TMPRSS11F: variants seen among roughly 807,000 people sequenced by gnomAD.
TMPRSS11F encodes transmembrane serine protease 11F.
TMPRSS11F carries 47 observed loss-of-function variants against 60.2 expected under a neutral mutation model. The observed-to-expected ratio is 0.78, with a 90% CI of 0.62 to 1.00. The LOEUF (loss-of-function observed/expected upper bound fraction) is 1.00. TMPRSS11F is among the 50% of genes least tolerant of loss of function. The pLI, the probability that TMPRSS11F is intolerant of heterozygous loss-of-function variation, is 0.00. For synonymous variants in TMPRSS11F, 166 were observed against 167.3 expected (o/e 0.99, Z 0.06); for missense variants, 519 against 522.9 (o/e 0.99, Z 0.07).
chr4:68,113,294 G>C (rs1224234283), intron 1 of TMPRSS11F, among the ~76,000 whole-genome samples: 1 of 152,076 alleles, frequency 6.6e-6, no homozygotes, highest in African/African-American at 2.4e-5. Flanking sequence ...TTGTGTCCTA[G>C]TGTTCTGTGG....
At chr4:68,064,623 T>C (rs1456016262) in intron 8 of TMPRSS11F, 62 bp downstream of exon 8, 3 of 1,554,772 alleles carry the variant, frequency 1.9e-6, no homozygotes, top group Non-Finnish European at 2.6e-6. Context: ...TTCTTTAAGA[T>C]AGATAGCTCG....
At chr4:68,061,417 A>C (rs1723171417) in intron 8 of TMPRSS11F, among the ~76,000 whole-genome samples, 1 of 152,218 alleles carries the variant, frequency 6.6e-6, no homozygotes, top group Non-Finnish European at 1.5e-5. Context: ...AGTTATTGGA[A>C]ACTTCGTAAG....
intron 1 of TMPRSS11F, among the ~76,000 whole-genome samples, chr4:68,123,595 A>G (rs1724662410): frequency 6.6e-6 from 1 of 152,192 alleles, no homozygotes; most frequent in South Asian, 2.1e-4. Context: ...ATCCAAAGCA[A>G]CTGAAGTTTG....
chr4:68,083,880 AG>A (rs1723756029), intron 3 of TMPRSS11F, among the ~76,000 whole-genome samples: 2 of 152,186 alleles, frequency 1.3e-5, no homozygotes, highest in Admixed American at 6.5e-5. Context: ...CCGGATAGCA[AG>A]GATACTCATT....
At chr4:68,098,260 GTGCGAC>G (rs1724111403) in intron 2 of TMPRSS11F, among the ~76,000 whole-genome samples, 1 of 152,024 alleles carries the variant, frequency 6.6e-6, no homozygotes, top group South Asian at 2.1e-4. Context: ...AGCCGGGATC[GTGCGAC>G]TGCACTCCAG....
At chr4:68,097,025 C>G (rs577700084) in intron 2 of TMPRSS11F, among the ~76,000 whole-genome samples, 23 of 152,220 alleles carry the variant, frequency 1.5e-4, no homozygotes, top group African/African-American at 5.5e-4. Flanking sequence ...TATTTTATCC[C>G]ATTCTACTTG....
intron 3 of TMPRSS11F, among the ~76,000 whole-genome samples, chr4:68,088,003 AATG>A (rs1333498855): frequency 4.0e-5 from 6 of 151,592 alleles, no homozygotes; most frequent in Non-Finnish European, 8.8e-5. Flanking sequence ...GTTTACTGAG[AATG>A]ATGATTTCCA....
At position 68,072,373 on chromosome 4, in the gene TMPRSS11F, T is replaced by C; in HGVS notation, c.464A>G (p.Lys155Arg). The change falls in exon 5 of 10, where the codon AAG (lysine) becomes AGG (arginine). Residue 155 changes from lysine to arginine, a missense_variant. Lys to Arg is a conservative substitution (Grantham distance 26, BLOSUM62 2). Transcript: ENST00000356291. ...TATGGTCAAAGACAATTGTTTGGTC[T>C]TCAAACTTTGATATAAAGCCTTTTC... ...KIEKALYQSL[K>R]TKQLSLTINK... The C allele has an allele frequency of 6.2e-7, 1 of 1,606,608 alleles. No individual in the cohort carries two copies. Among genetic ancestry groups the C allele is most frequent in the Non-Finnish European group, 8.5e-7 (1 of 1,176,024 alleles).
intron 3 of TMPRSS11F, among the ~76,000 whole-genome samples, chr4:68,074,693 A>C (rs914931548): frequency 6.6e-6 from 1 of 150,968 alleles, no homozygotes. Context: ...GCATTTCATT[A>C]CTTAGCTTTC....
chr4:68,099,487 TTAGTAAGA>T (rs1163923525), intron 1 of TMPRSS11F, among the ~76,000 whole-genome samples: 3 of 152,194 alleles, frequency 2.0e-5, no homozygotes, highest in Non-Finnish European at 4.4e-5. Flanking sequence ...TGAATTGTAC[TTAGTAAGA>T]TTCCACCACT....
At chr4:68,089,220 A>AT (rs1193851458) in intron 3 of TMPRSS11F, among the ~76,000 whole-genome samples, 1 of 152,068 alleles carries the variant, frequency 6.6e-6, no homozygotes, top group African/African-American at 2.4e-5. Context: ...AGAATACAGG[A>AT]TTTTTTCAGT....
At chr4:68,095,134 A>G (rs2109868492) in intron 2 of TMPRSS11F, among the ~76,000 whole-genome samples, 1 of 151,506 alleles carries the variant, frequency 6.6e-6, no homozygotes, top group East Asian at 1.9e-4. Flanking sequence ...AGCATTTTAT[A>G]TATATATATA....
chr4:68,084,474 C>A (rs1443622624), intron 3 of TMPRSS11F, among the ~76,000 whole-genome samples: 2 of 152,144 alleles, frequency 1.3e-5, no homozygotes, highest in South Asian at 2.1e-4. Context: ...TCAGCAGAAA[C>A]CTTATAAGCC....
chr4:68,068,841 A>G (rs377024286), intron 6 of TMPRSS11F, 22 bp from the exon 7 acceptor site: 15 of 1,610,776 alleles, frequency 9.3e-6, no homozygotes, highest in Non-Finnish European at 1.0e-5. Context: ...ATACATGATC[A>G]TTCATATTCA....
chr4:68,110,169 ATCT>A (rs1351870258), intron 1 of TMPRSS11F, among the ~76,000 whole-genome samples: 10 of 152,216 alleles, frequency 6.6e-5, no homozygotes, highest in African/African-American at 1.7e-4. Context: ...GGTTAATAAC[ATCT>A]TCTTAATGGC....
chr4:68,084,143 G>A (rs922758002), intron 3 of TMPRSS11F, among the ~76,000 whole-genome samples: 7 of 151,918 alleles, frequency 4.6e-5, no homozygotes, highest in South Asian at 2.1e-4. Context: ...AAAAAAGAAC[G>A]AAACCTCCAA....
Position 68,103,159 on chromosome 4 carries a change from G to A in TMPRSS11F, c.12-4121C>T, listed in dbSNP as rs76663173. Among the ~76,000 whole-genome samples the A allele has an allele frequency of 8.4e-3, 1,275 of 152,084 alleles. 18 individuals are homozygous for A. The highest frequency in any genetic ancestry group is 0.029 in the African/African-American group (1,192 of 41,490). ...CCCTTGTCAAAAATTAGTTGACCAC[G>A]GCCAGGCACAGTGGCTCATGCCTAC... On this transcript the variant is annotated intron_variant, in intron 1 of 9. Coordinates refer to ENST00000356291, the MANE Select transcript of TMPRSS11F (RefSeq NM_207407.2).
chr4:68,065,564 G>A (rs1723308727), intron 7 of TMPRSS11F, among the ~76,000 whole-genome samples: 1 of 152,030 alleles, frequency 6.6e-6, no homozygotes, highest in Non-Finnish European at 1.5e-5. Flanking sequence ...TCCCATAGAT[G>A]CTTTTCTCTC....
intron 3 of TMPRSS11F, chr4:68,077,195 G>C (rs953015726): frequency 3.9e-5 from 6 of 152,286 alleles, no homozygotes; most frequent in Non-Finnish European, 8.8e-5. Flanking sequence ...TAGCCAGCTG[G>C]ATGTAGGAGC....
Sources: gnomAD v4.1 joint callset for allele counts (sites outside exome capture counted in the v4.1 genomes callset) on GRCh38, gnomAD v4.1.1 for gene constraint, MANE v1.5 for transcripts, NCBI Gene and HGNC (gene_info 2026-07-23, HGNC 2026-07-21) for gene names.